Variants in UBAP1 observed in about 807,000 individuals in gnomAD.
UBAP1 encodes the protein ubiquitin associated protein 1.
UBAP1 carries 5 observed loss-of-function variants against 39.0 expected under a neutral mutation model. That is an observed-to-expected ratio of 0.13 (90% CI 0.07 to 0.27). UBAP1 has a LOEUF of 0.27. Ranked by LOEUF, UBAP1 falls within the 10% of genes least tolerant of loss-of-function variation. The probability of loss-of-function intolerance (pLI) is 1.00; values close to 1 mark genes in which losing one functional copy is unlikely to be tolerated. For synonymous variants in UBAP1, 211 were observed against 225.1 expected, an observed-to-expected ratio of 0.94 and a Z score of 0.56; for missense variants, 490 against 608.1, an observed-to-expected ratio of 0.81 and a Z score of 2.04.
intron 1 of UBAP1, among the ~76,000 whole-genome samples, chr9:34,189,161 ATTTC>A (rs1377209247): frequency 6.7e-6 from 1 of 149,506 alleles, no homozygotes; most frequent in Non-Finnish European, 1.5e-5. Context: ...TAACTTCCCC[ATTTC>A]TTTCTTCTAG....
intron 1 of UBAP1, 21 bp downstream of exon 1, chr9:34,179,261 G>C: frequency 8.2e-7 from 1 of 1,217,916 alleles, no homozygotes; most frequent in Non-Finnish European, 1.0e-6. Flanking sequence ...CCTCCCTCTG[G>C]GGGAGGGGGA....
intron 2 of UBAP1, among the ~76,000 whole-genome samples, chr9:34,233,989 C>CTTTT (rs1020244234): frequency 7.2e-5 from 11 of 152,104 alleles, no homozygotes; most frequent in Admixed American, 5.9e-4. Flanking sequence ...AGTACTTTGG[C>CTTTT]TTTTACACTA....
intron 1 of UBAP1, among the ~76,000 whole-genome samples, chr9:34,189,444 C>T (rs1400422555): frequency 6.6e-6 from 1 of 152,074 alleles, no homozygotes; most frequent in Non-Finnish European, 1.5e-5. Flanking sequence ...CTGCCTCATC[C>T]TCCCAAAGTG....
At position 34,234,319 on chromosome 9, in the gene UBAP1, G is replaced by C; in HGVS notation, c.138G>C (p.Leu46Phe). Residue 46 changes from leucine (L) to phenylalanine (F), a missense_variant, in exon 3 of 7, where the codon TTG (leucine) becomes TTC (phenylalanine). Physicochemically the swap from Leu to Phe is conservative, Grantham distance 22. Transcript: ENST00000297661. ...LPIGFSLPDC[L>F]QVVREVQYDF... ...TTGGCTTCTCCTTGCCTGATTGTTT[G>C]CAGGTTGTCAGAGAAGTACAGGTAA... 2 of 1,605,908 alleles carry C rather than the reference G, an allele frequency of 1.2e-6. No individual in the cohort carries two copies. The highest frequency in any genetic ancestry group is 1.7e-6 in the Non-Finnish European group (2 of 1,178,290).
intron 1 of UBAP1, among the ~76,000 whole-genome samples, chr9:34,213,847 A>C (rs1832149556): frequency 6.6e-6 from 1 of 152,114 alleles, no homozygotes; most frequent in Admixed American, 6.5e-5. Context: ...ATTAATGTAC[A>C]CAAATCAGAA....
intron 2 of UBAP1, among the ~76,000 whole-genome samples, chr9:34,222,871 C>T (rs781771836): frequency 8.5e-5 from 13 of 152,108 alleles, no homozygotes; most frequent in Non-Finnish European, 1.6e-4. Context: ...ATCTGAATTC[C>T]CTCTAGATCC....
At chr9:34,181,375 C>T (rs1357826804) in intron 1 of UBAP1, among the ~76,000 whole-genome samples, 1 of 145,392 alleles carries the variant, frequency 6.9e-6, no homozygotes, top group African/African-American at 2.6e-5. Flanking sequence ...CTTGGCCTCC[C>T]AGAGTGCTGG....
chr9:34,211,889 G>A (rs542876119), intron 1 of UBAP1: 164 of 226,918 alleles, frequency 7.2e-4, no homozygotes, highest in African/African-American at 3.6e-3. Flanking sequence ...TTAAGTTACC[G>A]GGTTTTCTTC....
chr9:34,207,106 C>A (rs1431596137), intron 1 of UBAP1, among the ~76,000 whole-genome samples: 1 of 123,074 alleles, frequency 8.1e-6, no homozygotes, highest in Non-Finnish European at 1.6e-5. Flanking sequence ...GGCTGGAGTG[C>A]AATGGTGTGA....
intron 4 of UBAP1, among the ~76,000 whole-genome samples, chr9:34,246,741 G>A (rs763047130): frequency 7.2e-5 from 11 of 152,222 alleles, no homozygotes; most frequent in Admixed American, 1.3e-4. Context: ...AGGCTTGAGG[G>A]CCACATAGGT....
intron 1 of UBAP1, among the ~76,000 whole-genome samples, chr9:34,198,726 A>G (rs1010217874): frequency 5.9e-5 from 9 of 152,214 alleles, no homozygotes; most frequent in African/African-American, 9.6e-5. Context: ...CTATGAGGCA[A>G]GACAGACATG....
Position 34,251,480 on chromosome 9 carries a change from A to G in UBAP1, c.1457A>G (p.Asn486Ser), listed in dbSNP as rs756586247. Residue 486 changes from asparagine to serine, a missense_variant, in exon 7 of 7, where the codon AAT becomes AGT. Physicochemically the swap from Asn to Ser is conservative, Grantham distance 46. Transcript: ENST00000297661. ...DIKEVLLLHN[N>S]DQDNALEDLM... Reference sequence around the variant, plus strand: ...AAGGAAGTTTTGCTATTACACAACAATGACCAGGACAATGCTTTGGAAGAC... The same window carrying G: ...AAGGAAGTTTTGCTATTACACAACAGTGACCAGGACAATGCTTTGGAAGAC... 6 of 1,614,110 alleles carry G rather than the reference A, an allele frequency of 3.7e-6. No homozygotes were observed. Among genetic ancestry groups the G allele is most frequent in the Non-Finnish European group, 5.1e-6 (6 of 1,180,050 alleles).
At chr9:34,189,482 C>G (rs931147394) in intron 1 of UBAP1, among the ~76,000 whole-genome samples, 4 of 151,970 alleles carry the variant, frequency 2.6e-5, no homozygotes, top group Non-Finnish European at 5.9e-5. Context: ...AGCCACCGCA[C>G]CCGGCCGATC....
chr9:34,221,330 C>T (rs1832744365), intron 2 of UBAP1, among the ~76,000 whole-genome samples: 1 of 151,918 alleles, frequency 6.6e-6, no homozygotes, highest in Non-Finnish European at 1.5e-5. Flanking sequence ...GAGATCGAGA[C>T]CATCCTGTCT....
chr9:34,249,931 C>T lies in UBAP1; in HGVS notation c.1236C>T (p.Ala412=). 6.2e-7 allele frequency: 1 copy of T among 1,614,168 alleles called. No homozygotes were observed. Among genetic ancestry groups the T allele is most frequent in the Non-Finnish European group, 8.5e-7 (1 of 1,180,046 alleles). The part of the protein sequence containing the change: ...MGYSYECVLR[A]MKKKGENIEQ... ...ACTCGTACGAGTGTGTCCTCAGAGC[C>T]ATGAAGAAGAAAGGAGAGAATATTG... Residue 412 remains alanine (A), a synonymous_variant, in exon 5 of 7, where the codon GCC becomes GCT. Coordinates refer to ENST00000297661, the MANE Select transcript of UBAP1 (RefSeq NM_016525.5).
chr9:34,180,507 C>CA (rs747564427), intron 1 of UBAP1, among the ~76,000 whole-genome samples: 1,077 of 85,802 alleles, frequency 0.013, 5 homozygotes, highest in Admixed American at 0.015. Context: ...GACTCCGACT[C>CA]AAAAAAAAAA....
At chr9:34,223,443 G>A (rs1587849855) in intron 2 of UBAP1, among the ~76,000 whole-genome samples, 2 of 151,908 alleles carry the variant, frequency 1.3e-5, no homozygotes, top group East Asian at 3.9e-4. Context: ...TAACCAAAGT[G>A]TTATTTTGTT....
chr9:34,243,995 G>C (rs906550719), intron 4 of UBAP1, among the ~76,000 whole-genome samples: 3 of 151,644 alleles, frequency 2.0e-5, no homozygotes, highest in African/African-American at 7.3e-5. Flanking sequence ...GATTACAGGC[G>C]CCTGCCACCA....
intron 1 of UBAP1, among the ~76,000 whole-genome samples, chr9:34,188,329 T>G (rs137895194): frequency 9.4e-4 from 142 of 151,656 alleles, no homozygotes; most frequent in African/African-American, 2.4e-3. Flanking sequence ...TACAGAAAAG[T>G]GTAACAGGAA....
Sources: gnomAD v4.1 joint callset for allele counts (sites outside exome capture counted in the v4.1 genomes callset) on GRCh38, gnomAD v4.1.1 for gene constraint, MANE v1.5 for transcripts, NCBI Gene and HGNC (gene_info 2026-07-23, HGNC 2026-07-21) for gene names.